GALNTL5: variants seen among roughly 807,000 people sequenced by gnomAD.
GALNTL5 encodes polypeptide N-acetylgalactosaminyltransferase like 5.
In GALNTL5, 44 loss-of-function variants were observed where a neutral mutation model predicts 51.0. The ratio of observed to expected loss-of-function variants is 0.86; its 90% CI spans 0.68 to 1.11. The LOEUF is 1.11. Among genes scored for constraint, GALNTL5 ranks in the 50% least tolerant of loss-of-function variants. The probability of loss-of-function intolerance (pLI) is 0.00; values close to 1 mark genes in which losing one functional copy is unlikely to be tolerated. For synonymous variants in GALNTL5, 192 were observed against 182.8 expected (o/e 1.05, Z -0.41); for missense variants, 528 against 531.8 (o/e 0.99, Z 0.07).
chr7:151,972,841 G>A (rs532717202), intron 3 of GALNTL5, among the ~76,000 whole-genome samples: 10 of 152,230 alleles, frequency 6.6e-5, no homozygotes, highest in Non-Finnish European at 8.8e-5. Context: ...CAGAGCCCTC[G>A]TGGAGAACCT....
At chr7:151,981,803 A>G (rs2081295548) in intron 3 of GALNTL5, among the ~76,000 whole-genome samples, 1 of 150,682 alleles carries the variant, frequency 6.6e-6, no homozygotes, top group Non-Finnish European at 1.5e-5. Flanking sequence ...GCGTGCCACC[A>G]CATCTGGCTA....
chr7:152,010,113 T>A (rs1297060814), intron 7 of GALNTL5, among the ~76,000 whole-genome samples: 3 of 150,486 alleles, frequency 2.0e-5, no homozygotes, highest in Non-Finnish European at 4.4e-5. Context: ...AATACGAAAG[T>A]GGCTTCTTTT....
intron 3 of GALNTL5, among the ~76,000 whole-genome samples, chr7:151,977,411 A>T (rs969809716): frequency 6.6e-6 from 1 of 152,174 alleles, no homozygotes; most frequent in African/African-American, 2.4e-5. Context: ...CGAACTTATG[A>T]GCACAAGGAG....
At chr7:151,982,634 CA>C (rs60682039) in intron 3 of GALNTL5, among the ~76,000 whole-genome samples, 15,888 of 126,742 alleles carry the variant, frequency 0.13, 926 homozygotes, top group South Asian at 0.24. Flanking sequence ...ATGGTGACAG[CA>C]AAAAAAAAAA....
intron 3 of GALNTL5, among the ~76,000 whole-genome samples, chr7:151,981,534 C>A (rs888234315): frequency 6.6e-6 from 1 of 150,674 alleles, no homozygotes; most frequent in African/African-American, 2.5e-5. Context: ...GCTCACAATA[C>A]ATCTCTCTTC....
chr7:152,013,672 T>C (rs2081768212), intron 7 of GALNTL5, among the ~76,000 whole-genome samples: 1 of 152,130 alleles, frequency 6.6e-6, no homozygotes, highest in Non-Finnish European at 1.5e-5. Context: ...TTTTTAATAA[T>C]AAAAATCAGA....
intron 4 of GALNTL5, among the ~76,000 whole-genome samples, chr7:151,983,509 C>T (rs980440163): frequency 2.0e-4 from 31 of 152,078 alleles, no homozygotes; most frequent in Non-Finnish European, 3.8e-4. Flanking sequence ...GTGCGCTCCC[C>T]GATGGCACTT....
rs576110404 is a variant in GALNTL5 at position 151,967,237 on chromosome 7, T to C, written c.-10T>C. 5.0e-6 allele frequency: 8 copies of C among 1,605,586 alleles called. No individual in the cohort carries two copies. In the East Asian group the frequency reaches 1.3e-4, roughly 27 times the overall value. On this transcript the variant is annotated 5_prime_UTR_variant, in exon 2 of 9. Transcript: ENST00000392800. ...TTGAAAAATGGACCTTTGAAAATGC[T>C]AGATTTACAATGAGAAATGCCATAA...
chr7:151,991,444 A>T (rs2151951405), intron 5 of GALNTL5, among the ~76,000 whole-genome samples: 1 of 152,316 alleles, frequency 6.6e-6, no homozygotes, highest in South Asian at 2.1e-4. Flanking sequence ...TTTTTACATT[A>T]AACTTTGAGT....
At chr7:151,964,573 C>A (rs1012074563) in intron 1 of GALNTL5, among the ~76,000 whole-genome samples, 5 of 152,148 alleles carry the variant, frequency 3.3e-5, no homozygotes, top group Non-Finnish European at 5.9e-5. Context: ...TGCCTTCCAG[C>A]CTGATTGTGA....
At chr7:151,985,162 A>G (rs1346850499) in intron 4 of GALNTL5, among the ~76,000 whole-genome samples, 1 of 152,196 alleles carries the variant, frequency 6.6e-6, no homozygotes, top group Non-Finnish European at 1.5e-5. Context: ...ATGCCTCTGC[A>G]AGGCCCCACC....
At chr7:151,971,658 T>A (rs1420428421) in intron 3 of GALNTL5, among the ~76,000 whole-genome samples, 1 of 152,216 alleles carries the variant, frequency 6.6e-6, no homozygotes, top group African/African-American at 2.4e-5. Context: ...TTTGGCTCTA[T>A]GTCCCCACCC....
At chr7:152,000,514 C>T (rs1249018247) in intron 5 of GALNTL5, among the ~76,000 whole-genome samples, 2 of 152,150 alleles carry the variant, frequency 1.3e-5, no homozygotes, top group African/African-American at 4.8e-5. Flanking sequence ...GTACTCCTCC[C>T]CTCCCACCCA....
intron 5 of GALNTL5, among the ~76,000 whole-genome samples, chr7:151,993,934 T>G (rs182359032): frequency 9.8e-5 from 15 of 152,348 alleles, no homozygotes; most frequent in African/African-American, 3.6e-4. Flanking sequence ...TCTATGTGTA[T>G]TTTCAAAGAA....
chr7:152,009,271 G>A (rs767396577), intron 7 of GALNTL5, among the ~76,000 whole-genome samples: 11 of 152,048 alleles, frequency 7.2e-5, no homozygotes, highest in East Asian at 1.9e-4. Context: ...CCAGTAAATC[G>A]ATATCCTGGA....
chr7:151,993,170 G>A (rs1413889015), intron 5 of GALNTL5, among the ~76,000 whole-genome samples: 1 of 151,500 alleles, frequency 6.6e-6, no homozygotes, highest in Non-Finnish European at 1.5e-5. Flanking sequence ...GGAGGTGGAG[G>A]CTGCAGTGAG....
In GALNTL5 at chr7:151,965,084, T is replaced by C. The variant is rs530331802; in HGVS notation, c.-39-2124T>C. Among the ~76,000 whole-genome samples the C allele has an allele frequency of 2.0e-5, 3 of 152,286 alleles. No individual in the cohort carries two copies. In the South Asian group the frequency reaches 6.2e-4, roughly 32 times the overall value. ...ACTCTGACTCCTGCCTGGGTTTTGC[T>C]GTGCAGGGCTGGGCAAAGAGAGCTG... is the stretch of plus-strand genomic sequence containing the variant. On this transcript the variant is annotated intron_variant, in intron 1 of 8. Transcript: ENST00000392800.
At position 151,971,043 on chromosome 7, in the gene GALNTL5, G is replaced by A; in HGVS notation, c.346G>A (p.Val116Met). 1 of 1,611,196 alleles carries A rather than the reference G, an allele frequency of 6.2e-7. No individual in the cohort carries two copies. The highest frequency in any genetic ancestry group is 8.5e-7 in the Non-Finnish European group (1 of 1,177,854). The change falls in exon 3 of 9, where the codon GTG becomes ATG. Residue 116 changes from valine (V) to methionine (M), a missense_variant. Val to Met is a conservative substitution (Grantham distance 21, BLOSUM62 1). Transcript: ENST00000392800. ...TAGAAGCTTGGGCATCGAAAGAGAA[G>A]TGCCAGATACCAGGAGTAAAATGTA... ...ISRSLGIERE[V>M]PDTRSKMCLQ...
At chr7:151,975,413 T>C (rs2081193667) in intron 3 of GALNTL5, among the ~76,000 whole-genome samples, 1 of 152,124 alleles carries the variant, frequency 6.6e-6, no homozygotes, top group South Asian at 2.1e-4. Context: ...ATCAATTATG[T>C]CTCTTCTTTC....
Sources: gnomAD v4.1 joint callset for allele counts (sites outside exome capture counted in the v4.1 genomes callset) on GRCh38, gnomAD v4.1.1 for gene constraint, MANE v1.5 for transcripts, NCBI Gene and HGNC (gene_info 2026-07-23, HGNC 2026-07-21) for gene names.